The following ITGB5 variants were observed in gnomAD, a reference collection of about 807,000 sequenced individuals.
ITGB5 encodes the protein integrin subunit beta 5, also known as integrin beta-5.
Under a neutral mutation model 84.8 loss-of-function variants are expected in ITGB5, and 38 were observed. The observed-to-expected ratio is 0.45, with a 90% CI of 0.35 to 0.59. The LOEUF is 0.59. ITGB5 is among the 20% of genes least tolerant of loss of function. The probability of loss-of-function intolerance (pLI) is 0.01; values close to 1 mark genes in which losing one functional copy is unlikely to be tolerated. For missense variants in ITGB5, 905 were observed against 1,034.5 expected, an observed-to-expected ratio of 0.87 and a Z score of 1.72; for synonymous variants, 393 against 414.4, an observed-to-expected ratio of 0.95 and a Z score of 0.63.
chr3:124,877,432 A>T (rs2107645727), intron 1 of ITGB5, among the ~76,000 whole-genome samples: 1 of 152,304 alleles, frequency 6.6e-6, no homozygotes, highest in African/African-American at 2.4e-5. Context: ...CTAGAATGAA[A>T]GTAACTTTGC....
chr3:124,816,761 G>A (rs1297747748), intron 8 of ITGB5, among the ~76,000 whole-genome samples: 1 of 152,144 alleles, frequency 6.6e-6, no homozygotes, highest in Non-Finnish European at 1.5e-5. Context: ...TGCGTGGCTT[G>A]GAATGTGAAA....
Position 124,810,145 on chromosome 3 carries a change from T to C in ITGB5, c.1129-989A>G, listed in dbSNP as rs78498760. ...TTTTTAAAATTGTAGTATGTTCATA[T>C]AGTGGAATACCATACAGTAATGAGA... On this transcript the variant is annotated intron_variant, in intron 8 of 14. Transcript: ENST00000296181. 8.0e-3 allele frequency among the ~76,000 whole-genome samples: 1,223 copies of C among 152,336 alleles called. 80 individuals carry two copies. The East Asian group carries it at 0.19, about 24-fold the overall frequency.
rs778889927 is a variant in ITGB5 at position 124,796,661 on chromosome 3, C to A, written c.1420G>T (p.Ala474Ser). Residue 474 changes from alanine to serine, a missense_variant, in exon 10 of 15, where the codon GCC becomes TCC. Coordinates refer to ENST00000296181, the MANE Select transcript of ITGB5 (RefSeq NM_002213.5). Reference sequence around the variant, plus strand: ...TAGGTCCCGCTCCCGTTGCACCTGGCGCTGTTGGGTTCCAGCCCCACGCTG... The same window carrying A: ...TAGGTCCCGCTCCCGTTGCACCTGGAGCTGTTGGGTTCCAGCCCCACGCTG... ...GCSVGLEPNS[A>S]RCNGSGTYVC... 1 of 1,614,026 alleles carries A rather than the reference C, an allele frequency of 6.2e-7. No homozygotes were observed. Among genetic ancestry groups the A allele is most frequent in the Non-Finnish European group, 8.5e-7 (1 of 1,179,990 alleles).
chr3:124,772,125 CTG>C (rs1559924112), intron 11 of ITGB5, among the ~76,000 whole-genome samples: 1 of 152,228 alleles, frequency 6.6e-6, no homozygotes, highest in East Asian at 1.9e-4. Flanking sequence ...ATGGCTGACT[CTG>C]TGCTGGGATG....
intron 2 of ITGB5, among the ~76,000 whole-genome samples, chr3:124,864,326 T>G (rs2065354266): frequency 6.6e-6 from 1 of 151,980 alleles, no homozygotes; most frequent in Non-Finnish European, 1.5e-5. Flanking sequence ...TAGAATAGTC[T>G]CGATCTCCTG....
chr3:124,815,864 G>A (rs927379421), intron 8 of ITGB5, among the ~76,000 whole-genome samples: 4 of 152,156 alleles, frequency 2.6e-5, no homozygotes, highest in East Asian at 1.9e-4. Context: ...ATCACTCACC[G>A]TGGAATCTGA....
intron 3 of ITGB5, among the ~76,000 whole-genome samples, chr3:124,849,448 T>C (rs1438590025): frequency 6.6e-6 from 1 of 152,222 alleles, no homozygotes; most frequent in Non-Finnish European, 1.5e-5. Flanking sequence ...CACCTGTGTT[T>C]GTTTCTATTT....
intron 5 of ITGB5, among the ~76,000 whole-genome samples, chr3:124,825,800 A>C (rs1318827390): frequency 1.3e-5 from 2 of 152,154 alleles, no homozygotes; most frequent in African/African-American, 4.8e-5. Context: ...GGTCAATTTT[A>C]CTCTGTGTAA....
chr3:124,811,637 C>T (rs1351399024), intron 8 of ITGB5, among the ~76,000 whole-genome samples: 1 of 152,184 alleles, frequency 6.6e-6, no homozygotes, highest in Non-Finnish European at 1.5e-5. Context: ...TGTGAGTCAG[C>T]AACTAAGAAT....
chr3:124,792,050 CAAT>C (rs2064157144), intron 10 of ITGB5: 1 of 152,196 alleles, frequency 6.6e-6, no homozygotes, highest in Admixed American at 6.5e-5. Flanking sequence ...TGTCAAACAA[CAAT>C]GATCTCACTC....
chr3:124,893,121 T>C (rs1192640963), intron 1 of ITGB5, among the ~76,000 whole-genome samples: 2 of 152,094 alleles, frequency 1.3e-5, no homozygotes, highest in Non-Finnish European at 2.9e-5. Context: ...ATTAACTTTT[T>C]AGGCTGGGTG....
intron 7 of ITGB5, 58 bp downstream of exon 7, chr3:124,819,681 C>T (rs895393850): frequency 1.6e-6 from 2 of 1,235,188 alleles, no homozygotes; most frequent in African/African-American, 3.0e-5. Flanking sequence ...GAGTTGTAAA[C>T]ACTCCTCACC....
intron 1 of ITGB5, among the ~76,000 whole-genome samples, chr3:124,879,521 T>A (rs1045342254): frequency 6.6e-6 from 1 of 152,200 alleles, no homozygotes; most frequent in African/African-American, 2.4e-5. Context: ...AATGCAAATA[T>A]GCCCTAGGAA....
intron 9 of ITGB5, among the ~76,000 whole-genome samples, chr3:124,806,982 C>T (rs115428004): frequency 0.017 from 2,585 of 152,192 alleles, 73 homozygotes; most frequent in African/African-American, 0.058. Context: ...GACAGGGATC[C>T]ACATCAATTA....
chr3:124,814,724 G>A (rs2064560123), intron 8 of ITGB5, among the ~76,000 whole-genome samples: 1 of 152,130 alleles, frequency 6.6e-6, no homozygotes, highest in Admixed American at 6.5e-5. Flanking sequence ...GGAATTACAG[G>A]TGTGAGCCAC....
intron 1 of ITGB5, among the ~76,000 whole-genome samples, chr3:124,885,011 C>T (rs1320333527): frequency 1.3e-5 from 2 of 152,204 alleles, no homozygotes; most frequent in Admixed American, 6.5e-5. Context: ...TGGCTCATGC[C>T]TGTAATTGAA....
intron 2 of ITGB5, among the ~76,000 whole-genome samples, chr3:124,865,461 G>GTGTC (rs1460307190): frequency 6.8e-6 from 1 of 146,546 alleles, no homozygotes; most frequent in Admixed American, 6.9e-5. Flanking sequence ...GAAAGTTGAA[G>GTGTC]TGTCCTTTGC....
At chr3:124,879,268 AG>A (rs1281700411) in intron 1 of ITGB5, among the ~76,000 whole-genome samples, 1 of 152,186 alleles carries the variant, frequency 6.6e-6, no homozygotes, top group African/African-American at 2.4e-5. Flanking sequence ...CATGGGTCCA[AG>A]GTCAGACAAC....
chr3:124,806,098 T>C (rs1370332871), intron 9 of ITGB5, among the ~76,000 whole-genome samples: 2 of 152,144 alleles, frequency 1.3e-5, no homozygotes, highest in Admixed American at 6.5e-5. Flanking sequence ...ATCAACACTC[T>C]CAGAAAACAT....
Sources: gnomAD v4.1 joint callset for allele counts (sites outside exome capture counted in the v4.1 genomes callset) on GRCh38, gnomAD v4.1.1 for gene constraint, MANE v1.5 for transcripts, NCBI Gene and HGNC (gene_info 2026-07-23, HGNC 2026-07-21) for gene names.